Variants in WWTR1 observed in about 807,000 individuals in gnomAD.
WWTR1 encodes the protein WW domain-containing transcription regulator protein 1.
Under a neutral mutation model 40.1 loss-of-function variants are expected in WWTR1, and 13 were observed. That is an observed-to-expected ratio of 0.32 (90% CI 0.21 to 0.52). The LOEUF (loss-of-function observed/expected upper bound fraction) is 0.52, where lower values mean the gene tolerates loss of function less well. Among genes scored for constraint, WWTR1 ranks in the 20% least tolerant of loss-of-function variants. The probability of loss-of-function intolerance (pLI) is 0.97; values close to 1 mark genes in which losing one functional copy is unlikely to be tolerated. For missense variants in WWTR1, 436 were observed against 523.1 expected (o/e 0.83, Z 1.63); for synonymous variants, 230 against 210.1 (o/e 1.09, Z -0.82).
chr3:149,714,701 C>T (rs1374403205), intron 5 of WWTR1, among the ~76,000 whole-genome samples: 2 of 152,182 alleles, frequency 1.3e-5, no homozygotes, highest in African/African-American at 2.4e-5. Context: ...GGGTGGGTCC[C>T]CAGGAAACTC....
At chr3:149,565,357 A>G (rs72997932) in intron 3 of WWTR1, among the ~76,000 whole-genome samples, 1,802 of 149,244 alleles carry the variant, frequency 0.012, 27 homozygotes, top group African/African-American at 0.043. Flanking sequence ...CATGGCTTTT[A>G]TTATTTCTTA....
chr3:149,671,384 C>T (rs1714083932), intron 1 of WWTR1, among the ~76,000 whole-genome samples: 1 of 152,108 alleles, frequency 6.6e-6, no homozygotes, highest in Non-Finnish European at 1.5e-5. Flanking sequence ...TACATTCAGC[C>T]CAGGGAATCT....
chr3:149,655,474 A>G (rs1263087788), intron 2 of WWTR1, among the ~76,000 whole-genome samples: 1 of 152,118 alleles, frequency 6.6e-6, no homozygotes, highest in Non-Finnish European at 1.5e-5. Flanking sequence ...AAACAACAAC[A>G]ACAAAAGTCA....
chr3:149,525,719 A>AT (rs11312622), intron 6 of WWTR1: 15,561 of 171,330 alleles, frequency 0.091, 527 homozygotes, highest in Non-Finnish European at 0.12. Context: ...GAAGCATTCC[A>AT]TTTTTTTTTT....
At chr3:149,564,813 G>T (rs995247585) in intron 3 of WWTR1, among the ~76,000 whole-genome samples, 1 of 152,166 alleles carries the variant, frequency 6.6e-6, no homozygotes, top group Non-Finnish European at 1.5e-5. Context: ...AATTTGTCAT[G>T]CTGTGTAAAA....
At chr3:149,649,368 G>A (rs1429803613) in intron 2 of WWTR1, among the ~76,000 whole-genome samples, 1 of 152,206 alleles carries the variant, frequency 6.6e-6, no homozygotes, top group Non-Finnish European at 1.5e-5. Context: ...CAAGGCCCTG[G>A]AAGATCATCG....
At chr3:149,640,696 C>G (rs1712121590) in intron 2 of WWTR1, among the ~76,000 whole-genome samples, 1 of 152,160 alleles carries the variant, frequency 6.6e-6, no homozygotes, top group South Asian at 2.1e-4. Context: ...GCTGGTATTA[C>G]AGGCATGAGC....
chr3:149,632,541 C>T (rs1711594522), intron 2 of WWTR1, among the ~76,000 whole-genome samples: 1 of 152,176 alleles, frequency 6.6e-6, no homozygotes, highest in Admixed American at 6.5e-5. Context: ...CAGATCCCTA[C>T]CTTTAAAGCA....
At chr3:149,554,638 G>A (rs951224534) in intron 3 of WWTR1, among the ~76,000 whole-genome samples, 3 of 151,792 alleles carry the variant, frequency 2.0e-5, no homozygotes. Context: ...AATATATCCA[G>A]GGAAGTCTAG....
intron 6 of WWTR1, among the ~76,000 whole-genome samples, chr3:149,523,181 C>T (rs1384286472): frequency 6.6e-6 from 1 of 151,932 alleles, no homozygotes; most frequent in Non-Finnish European, 1.5e-5. Context: ...GCTCTGCAAT[C>T]TCATAGTAAT....
At chr3:149,607,439 T>C (rs1342881742) in intron 2 of WWTR1, among the ~76,000 whole-genome samples, 1 of 152,090 alleles carries the variant, frequency 6.6e-6, no homozygotes, top group Non-Finnish European at 1.5e-5. Context: ...CTCAGCCTCC[T>C]GAGTAGCTGG....
chr3:149,574,967 G>A (rs1299134332), intron 2 of WWTR1, among the ~76,000 whole-genome samples: 1 of 151,896 alleles, frequency 6.6e-6, no homozygotes, highest in Non-Finnish European at 1.5e-5. Context: ...GGTGATGCAC[G>A]CGTGTAACCC....
intron 2 of WWTR1, among the ~76,000 whole-genome samples, chr3:149,668,333 A>T (rs1713920101): frequency 6.6e-6 from 1 of 151,968 alleles, no homozygotes; most frequent in Admixed American, 6.6e-5. Context: ...TCAAGAGCTG[A>T]CTCTTGGCCA....
intron 4 of WWTR1, chr3:149,540,184 TTCA>T: frequency 2.2e-6 from 1 of 456,308 alleles, no homozygotes. Flanking sequence ...TTTCTCCTGC[TTCA>T]TATACAATGC....
In WWTR1 at chr3:149,521,097, A is replaced by G. The variant is rs141353636; in HGVS notation, c.1019-108T>C. On this transcript the variant is annotated intron_variant, in intron 6 of 6. Coordinates refer to ENST00000360632, the MANE Select transcript of WWTR1 (RefSeq NM_015472.6). Reference sequence around the variant, plus strand: ...TCACCTTCATGTCTTCAACTACCACATTATTGACCCTTACTCATAAGAGGT... The same window carrying G: ...TCACCTTCATGTCTTCAACTACCACGTTATTGACCCTTACTCATAAGAGGT... 477 of 1,256,334 alleles carry G rather than the reference A, an allele frequency of 3.8e-4. 7 individuals are homozygous for G. The East Asian group carries it at 0.011, about 28-fold the overall frequency. The allele number at this position is 1,256,334 out of a possible 1,614,324, so 77.8% of individuals were successfully genotyped here.
intron 2 of WWTR1, among the ~76,000 whole-genome samples, chr3:149,623,275 A>G (rs1740397017): frequency 6.6e-6 from 1 of 152,214 alleles, no homozygotes; most frequent in African/African-American, 2.4e-5. Flanking sequence ...AGGCAGGAGA[A>G]TCACTTGAAC....
chr3:149,668,122 C>G (rs191448351), intron 2 of WWTR1, among the ~76,000 whole-genome samples: 55 of 152,236 alleles, frequency 3.6e-4, no homozygotes, highest in Admixed American at 1.6e-3. Flanking sequence ...TGGTTAATGG[C>G]TTTTAGGGAA....
chr3:149,591,525 T>C (rs981034226), intron 2 of WWTR1, among the ~76,000 whole-genome samples: 2 of 152,234 alleles, frequency 1.3e-5, no homozygotes, highest in Admixed American at 6.5e-5. Context: ...GCCTTTATAA[T>C]TGACTATATA....
At chr3:149,605,870 A>G (rs1279580612) in intron 2 of WWTR1, among the ~76,000 whole-genome samples, 1 of 152,186 alleles carries the variant, frequency 6.6e-6, no homozygotes, top group Non-Finnish European at 1.5e-5. Context: ...GAACACAGCT[A>G]TAAAGACAAA....
Sources: allele counts gnomAD v4.1 joint callset (sites outside exome capture counted in the v4.1 genomes callset), GRCh38; gene constraint gnomAD v4.1.1; transcripts MANE v1.5; gene names NCBI Gene and HGNC (gene_info 2026-07-23, HGNC 2026-07-21).